Variants in BMP1 observed in about 807,000 individuals in gnomAD.
The protein encoded by BMP1 is bone morphogenetic protein 1.
In BMP1, 63 loss-of-function variants were observed where a neutral mutation model predicts 116.8. The observed-to-expected ratio is 0.54, with a 90% CI of 0.44 to 0.67. The LOEUF (loss-of-function observed/expected upper bound fraction) is 0.67. Among genes scored for constraint, BMP1 ranks in the 30% least tolerant of loss-of-function variants. BMP1 has a pLI of 0.00. For synonymous variants in BMP1, 536 were observed against 533.4 expected (o/e 1.00, Z -0.07); for missense variants, 1,183 against 1,358.9 (o/e 0.87, Z 2.04).
intron 13 of BMP1, 150 bp from the exon 14 acceptor site, chr8:22,196,530 G>C: frequency 8.2e-7 from 1 of 1,214,072 alleles, no homozygotes; most frequent in Non-Finnish European, 1.2e-6. Flanking sequence ...GCCTCCTCCC[G>C]TCCGCCCCAG....
At chr8:22,174,627 CT>C (rs57781366) in intron 2 of BMP1, among the ~76,000 whole-genome samples, 4,226 of 106,276 alleles carry the variant, frequency 0.04, 56 homozygotes, top group Admixed American at 0.064. Context: ...TTTTTTCTGT[CT>C]TTTTTTTTTT....
chr8:22,167,612 G>A (rs1284996177), intron 1 of BMP1, among the ~76,000 whole-genome samples: 1 of 152,210 alleles, frequency 6.6e-6, no homozygotes, highest in Non-Finnish European at 1.5e-5. Flanking sequence ...CAGGTTTCAT[G>A]CTAGGGTGGG....
chr8:22,196,152 A>G (rs760212503), intron 13 of BMP1: 6 of 509,598 alleles, frequency 1.2e-5, no homozygotes, highest in African/African-American at 1.9e-5. Flanking sequence ...GACCATCTTG[A>G]CTTGCTAACT....
chr8:22,192,261 C>T, intron 9 of BMP1, 110 bp downstream of exon 9: 3 of 920,860 alleles, frequency 3.3e-6, no homozygotes, highest in Non-Finnish European at 5.0e-6. Flanking sequence ...GGGATGACAA[C>T]CTGGTATGGG....
chr8:22,197,430 G>T lies in BMP1; in HGVS notation c.2107+10G>T. 6.2e-7 allele frequency: 1 copy of T among 1,600,950 alleles called. No individual in the cohort carries two copies. ...GCCCACTTCTTCTCAGGTATCCCTGGACTGCCCAGCTCCTAGCCCCACCTC... is the reference window on the plus strand; with the variant it reads ...GCCCACTTCTTCTCAGGTATCCCTGTACTGCCCAGCTCCTAGCCCCACCTC... On this transcript the variant is annotated intron_variant, in intron 15 of 19. Transcript: ENST00000306385.
At chr8:22,195,660 T>C in intron 13 of BMP1, 73 bp downstream of exon 13, 3 of 1,565,992 alleles carry the variant, frequency 1.9e-6, no homozygotes, top group Non-Finnish European at 1.7e-6. Flanking sequence ...ATTTTTTTTT[T>C]TTTTAGACAG....
At position 22,194,246 on chromosome 8, in the gene BMP1, G is replaced by A. The variant is rs959190292; in HGVS notation, c.1297+72G>A. The stretch of plus-strand genomic sequence containing the variant: ...GGGCATGGTAAAACAACTCCCTCCT[G>A]GCACCTGAGGGGCAAGATTGTGGGT... On this transcript the variant is annotated intron_variant, in intron 10 of 19. Coordinates refer to ENST00000306385, the MANE Select transcript of BMP1 (RefSeq NM_006129.5). The surrounding 1 kb of genome is among the most constrained non-coding windows in gnomAD (Gnocchi z 4.5). The A allele has an allele frequency of 6.6e-6, 10 of 1,510,182 alleles. No individual in the cohort carries two copies. In the Admixed American group the frequency reaches 6.7e-5, roughly 10 times the overall value. The allele number at this position is 1,510,182 out of a possible 1,614,324, so 93.5% of individuals were successfully genotyped here. A position where few individuals can be genotyped will look rare whatever the true frequency, so the allele number is the denominator to read the frequency against.
At position 22,210,897 on chromosome 8, in the gene BMP1, G is replaced by A. The variant is rs550084247; in HGVS notation, c.2827-697G>A. Among the ~76,000 whole-genome samples, 11 of 152,362 alleles carry A rather than the reference G, an allele frequency of 7.2e-5. No individual in the cohort carries two copies. In the South Asian group the frequency reaches 2.1e-3, roughly 29 times the overall value. Reference sequence around the variant, plus strand: ...TCAGGGCCTCCTGGCACAACTACTCGGAATGTCCTCAAGGTTCTCAGAAAT... The same window carrying A: ...TCAGGGCCTCCTGGCACAACTACTCAGAATGTCCTCAAGGTTCTCAGAAAT... On this transcript the variant is annotated intron_variant, in intron 19 of 19. Transcript: ENST00000306385.
intron 8 of BMP1, among the ~76,000 whole-genome samples, chr8:22,190,856 T>C (rs1055292955): frequency 4.6e-5 from 7 of 151,964 alleles, no homozygotes; most frequent in Admixed American, 2.0e-4. Context: ...AGAACCCAGC[T>C]CTCCCAGAGC....
In BMP1 at chr8:22,207,524, C is replaced by T. The variant is rs201856970; in HGVS notation, c.2575+8C>T. The T allele has an allele frequency of 6.2e-7, 1 of 1,611,962 alleles. No homozygotes were observed. The highest frequency in any genetic ancestry group is 2.2e-5 in the East Asian group (1 of 44,850). On this transcript the variant is annotated splice_region_variant and intron_variant, in intron 18 of 19. Coordinates refer to ENST00000306385, the MANE Select transcript of BMP1 (RefSeq NM_006129.5). ...AGGCCTCCCACGCCACAGGTACTGT[C>T]CCCGGTTGTGGGAGTGTTCACTGAG...
At chr8:22,168,167 T>G (rs7837768) in intron 1 of BMP1, among the ~76,000 whole-genome samples, 45,641 of 151,828 alleles carry the variant, frequency 0.3, 6,915 homozygotes, top group Middle Eastern at 0.35. Context: ...CCTGGAGAGG[T>G]TCCTGGACCT....
chr8:22,177,160 G>A (rs1242131887), intron 5 of BMP1, 21 bp downstream of exon 5: 1 of 1,576,210 alleles, frequency 6.3e-7, no homozygotes, highest in South Asian at 1.1e-5. Flanking sequence ...GCCCCTCGGT[G>A]CGGCCTTGGT....
intron 8 of BMP1, among the ~76,000 whole-genome samples, chr8:22,188,862 G>A (rs1446339956): frequency 1.3e-5 from 2 of 152,190 alleles, no homozygotes; most frequent in Admixed American, 6.5e-5. Flanking sequence ...TTCTAAGGAT[G>A]AAGGAAAGCG....
chr8:22,178,005 T>TGCCC, intron 6 of BMP1, 48 bp downstream of exon 6: 1 of 1,450,132 alleles, frequency 6.9e-7, no homozygotes, highest in Non-Finnish European at 9.5e-7. Flanking sequence ...AGCCCCACCC[T>TGCCC]GCCCTCTGTA....
chr8:22,174,587 C>G (rs1828376245), intron 2 of BMP1, among the ~76,000 whole-genome samples: 1 of 150,876 alleles, frequency 6.6e-6, no homozygotes, highest in South Asian at 2.1e-4. Flanking sequence ...CTCCCCTTCC[C>G]AAAGGGCAGG....
intron 4 of BMP1, 131 bp downstream of exon 4, chr8:22,176,781 C>G (rs745391519): frequency 9.1e-5 from 99 of 1,093,278 alleles, no homozygotes; most frequent in Non-Finnish European, 1.2e-4. Flanking sequence ...GGGGCATCTA[C>G]CCAGGAACTG....
intron 13 of BMP1, among the ~76,000 whole-genome samples, chr8:22,195,821 ATT>A (rs1005197405): frequency 6.6e-6 from 1 of 151,804 alleles, no homozygotes; most frequent in South Asian, 2.1e-4. Flanking sequence ...TAATTTTAAA[ATT>A]TTTTTTGTAG....
rs753370238 is a variant in BMP1, at chr8:22,211,613, C to T, written c.2846C>T (p.Ser949Leu). Residue 949 changes from serine (S) to leucine (L), a missense_variant, in exon 20 of 20, where the codon TCG (serine) becomes TTG (leucine). Transcript: ENST00000306385. The stretch of plus-strand genomic sequence containing the variant: ...TGCCAGCCTCCTGAGGAGGTGTACT[C>T]GGCGGGAGATTCTGTCCTGGTGAAG... ...CGSGPPEEVY[S>L]AGDSVLVKFH... is the part of the protein sequence containing the mutation. 16 of 1,614,060 alleles carry T rather than the reference C, an allele frequency of 9.9e-6. No homozygotes were observed. The highest frequency in any genetic ancestry group is 5.3e-5 in the African/African-American group (4 of 74,912).
At chr8:22,166,319 C>G (rs182843331) in intron 1 of BMP1, among the ~76,000 whole-genome samples, 2 of 151,986 alleles carry the variant, frequency 1.3e-5, no homozygotes, top group Non-Finnish European at 2.9e-5. Context: ...CTGTCACCCC[C>G]GAGACACCAG....
Sources: allele counts gnomAD v4.1 joint callset (sites outside exome capture counted in the v4.1 genomes callset), GRCh38; gene constraint gnomAD v4.1.1; non-coding constraint Gnocchi (gnomAD v3.1); transcripts MANE v1.5; gene names NCBI Gene and HGNC (gene_info 2026-07-23, HGNC 2026-07-21).